Variants in ALMS1 observed in about 807,000 individuals in gnomAD.
ALMS1 encodes the protein ALMS1 centrosome and basal body associated protein.
ALMS1 carries 271 observed loss-of-function variants against 352.2 expected under a neutral mutation model. The observed-to-expected ratio is 0.77, with a 90% CI of 0.70 to 0.85. The LOEUF is 0.85. Ranked by LOEUF, ALMS1 falls within the 40% of genes least tolerant of loss-of-function variation. The pLI, the probability that ALMS1 is intolerant of heterozygous loss-of-function variation, is 0.00. For missense variants in ALMS1, 5,445 were observed against 4,870.7 expected (o/e 1.12, Z -3.51); for synonymous variants, 1,865 against 1,761.2 (o/e 1.06, Z -1.48).
intron 12 of ALMS1, among the ~76,000 whole-genome samples, chr2:73,542,047 C>T (rs1674195883): frequency 6.6e-6 from 1 of 152,202 alleles, no homozygotes; most frequent in African/African-American, 2.4e-5. Flanking sequence ...ATACCAAAGC[C>T]TGGCAGAGAC....
chr2:73,433,436 T>C (rs1223461888), intron 7 of ALMS1, among the ~76,000 whole-genome samples: 1 of 151,456 alleles, frequency 6.6e-6, no homozygotes, highest in Non-Finnish European at 1.5e-5. Flanking sequence ...CTTTATGAAG[T>C]TGATTAGATG....
intron 9 of ALMS1, among the ~76,000 whole-genome samples, chr2:73,486,367 A>C (rs1490319017): frequency 6.6e-6 from 1 of 152,192 alleles, no homozygotes. Flanking sequence ...AGATGAAAGT[A>C]AGTCCTGGGT....
At chr2:73,585,389 G>A (rs1454431460) in intron 16 of ALMS1, among the ~76,000 whole-genome samples, 2 of 143,600 alleles carry the variant, frequency 1.4e-5, no homozygotes, top group East Asian at 3.9e-4. Flanking sequence ...TAATGATGAT[G>A]AGCTTTTTTT....
chr2:73,490,849 A>C lies in ALMS1; in HGVS notation c.8890A>C (p.Ile2964Leu), dbSNP rs529506570. 6.2e-7 allele frequency: 1 copy of C among 1,614,016 alleles called. No homozygotes were observed. The highest frequency in any genetic ancestry group is 1.1e-5 in the South Asian group (1 of 91,074). The stretch of plus-strand genomic sequence containing the variant: ...TATAGCTTCAGACCTTCCGTCTCCC[A>C]TTTCTCTTGAACAATGCCAAAGCAA... ...DSIASDLPSPISLEQCQSKAP... is the reference protein window; with the variant it reads ...DSIASDLPSPLSLEQCQSKAP... Residue 2964 changes from isoleucine (I) to leucine (L), a missense_variant, in exon 10 of 23, where the codon ATT becomes CTT. Coordinates refer to ENST00000613296, the MANE Select transcript of ALMS1 (RefSeq NM_001378454.1).
chr2:73,447,824 T>G, intron 7 of ALMS1, 136 bp from the exon 8 acceptor site: 1 of 1,178,018 alleles, frequency 8.5e-7, no homozygotes, highest in Non-Finnish European at 1.1e-6. Flanking sequence ...GTGCAAATAT[T>G]TATCTCCTTT....
chr2:73,438,300 T>C (rs933031466), intron 7 of ALMS1, among the ~76,000 whole-genome samples: 12 of 152,334 alleles, frequency 7.9e-5, no homozygotes, highest in South Asian at 2.1e-4. Flanking sequence ...TCCTATTTTA[T>C]AACAAGCAGA....
At chr2:73,585,687 C>G (rs1675295815) in intron 16 of ALMS1, among the ~76,000 whole-genome samples, 1 of 150,854 alleles carries the variant, frequency 6.6e-6, no homozygotes. Flanking sequence ...AGCCACCACG[C>G]CTGGCCGATG....
In ALMS1 at chr2:73,451,134, T is replaced by C. The variant is rs1671928322; in HGVS notation, c.4607T>C (p.Leu1536Pro). Residue 1536 changes from leucine (L) to proline (P), a missense_variant, in exon 8 of 23, where the codon CTG becomes CCG. Physicochemically the swap from Leu to Pro is moderately conservative, Grantham distance 98. Transcript: ENST00000613296. ...HRAKSGSFYQ[L>P]ALLGSQIPEE... ...GCAAAGTCTGGCAGTTTCTACCAAC[T>C]GGCATTGCTAGGTAGTCAAATACCT... is the stretch of plus-strand genomic sequence containing the variant. 6.2e-7 allele frequency: 1 copy of C among 1,613,190 alleles called. No homozygotes were observed. Among genetic ancestry groups the C allele is most frequent in the Non-Finnish European group, 8.5e-7 (1 of 1,179,766 alleles).
At chr2:73,402,972 A>G (rs1252925420) in intron 1 of ALMS1, among the ~76,000 whole-genome samples, 1 of 152,130 alleles carries the variant, frequency 6.6e-6, no homozygotes, top group Non-Finnish European at 1.5e-5. Flanking sequence ...ATATTTTCTC[A>G]TCTGTAGTAG....
At chr2:73,412,828 A>G (rs1671105986) in intron 2 of ALMS1, among the ~76,000 whole-genome samples, 1 of 152,128 alleles carries the variant, frequency 6.6e-6, no homozygotes, top group South Asian at 2.1e-4. Flanking sequence ...AACCCTAGGA[A>G]TGGGTTTGTT....
chr2:73,553,375 C>T (rs1386974980), intron 13 of ALMS1, among the ~76,000 whole-genome samples: 5 of 152,118 alleles, frequency 3.3e-5, no homozygotes, highest in Non-Finnish European at 7.3e-5. Flanking sequence ...AACGAATTCT[C>T]ACTGTGGCGG....
chr2:73,471,894 G>T (rs1317453603), intron 9 of ALMS1, among the ~76,000 whole-genome samples: 1 of 151,970 alleles, frequency 6.6e-6, no homozygotes, highest in African/African-American at 2.4e-5. Context: ...ATCTTGAGGA[G>T]ATCCCATGTT....
chr2:73,470,078 ATTT>A (rs1008097894), intron 9 of ALMS1: 3 of 151,716 alleles, frequency 2.0e-5, no homozygotes, highest in Non-Finnish European at 4.4e-5. Flanking sequence ...GATTTTATTT[ATTT>A]GAGTCTTCTA....
intron 10 of ALMS1, among the ~76,000 whole-genome samples, chr2:73,510,276 T>C (rs188980232): frequency 4.5e-4 from 68 of 152,286 alleles, no homozygotes; most frequent in African/African-American, 1.4e-3. Context: ...TTGTGATCCT[T>C]TGGAGGAGAA....
chr2:73,597,665 G>A (rs955670914), intron 16 of ALMS1, among the ~76,000 whole-genome samples: 3 of 151,714 alleles, frequency 2.0e-5, no homozygotes, highest in African/African-American at 4.8e-5. Flanking sequence ...TGCAGATTTC[G>A]TTTCCTTTTC....
intron 7 of ALMS1, among the ~76,000 whole-genome samples, chr2:73,432,587 T>C (rs1671522224): frequency 6.6e-6 from 1 of 152,144 alleles, no homozygotes; most frequent in African/African-American, 2.4e-5. Flanking sequence ...ATAGATGACA[T>C]GTTCCTCTGT....
At chr2:73,443,338 G>C (rs1446670144) in intron 7 of ALMS1, among the ~76,000 whole-genome samples, 1 of 151,982 alleles carries the variant, frequency 6.6e-6, no homozygotes, top group Admixed American at 6.6e-5. Context: ...TTGTCTCCTT[G>C]ATCTCATAGA....
intron 19 of ALMS1, 152 bp from the exon 20 acceptor site, chr2:73,602,033 T>A: frequency 1.2e-6 from 1 of 801,624 alleles, no homozygotes; most frequent in Non-Finnish European, 2.0e-6. Context: ...CATAGAGAGA[T>A]GTCAGAGGAT....
chr2:73,569,431 C>T (rs1343528324), intron 15 of ALMS1, among the ~76,000 whole-genome samples: 1 of 152,132 alleles, frequency 6.6e-6, no homozygotes, highest in Non-Finnish European at 1.5e-5. Context: ...GCAATGTTAT[C>T]TATTTCCTTA....
Sources: gnomAD v4.1 joint callset for allele counts (sites outside exome capture counted in the v4.1 genomes callset) on GRCh38, gnomAD v4.1.1 for gene constraint, MANE v1.5 for transcripts, NCBI Gene and HGNC (gene_info 2026-07-23, HGNC 2026-07-21) for gene names.